ATP5F1C: variants seen among roughly 807,000 people sequenced by gnomAD.
The protein encoded by ATP5F1C is ATP synthase F(1) complex subunit gamma, mitochondrial.
A neutral mutation model predicts 37.4 loss-of-function variants in ATP5F1C; 22 were observed. That is an observed-to-expected ratio of 0.59 (90% CI 0.42 to 0.84). ATP5F1C has a LOEUF of 0.84. ATP5F1C is among the 40% of genes least tolerant of loss of function. ATP5F1C has a pLI of 0.00. For missense variants in ATP5F1C, 286 were observed against 362.4 expected, an observed-to-expected ratio of 0.79 and a Z score of 1.71; for synonymous variants, 121 against 128.0, an observed-to-expected ratio of 0.95 and a Z score of 0.37.
chr10:7,805,946 C>A (rs1836471507), intron 8 of ATP5F1C, among the ~76,000 whole-genome samples: 2 of 151,926 alleles, frequency 1.3e-5, no homozygotes, highest in Non-Finnish European at 2.9e-5. Flanking sequence ...ATTAGCCAGG[C>A]CTGGTGGCAT....
chr10:7,792,855 G>A (rs537301629), intron 1 of ATP5F1C, among the ~76,000 whole-genome samples: 1 of 152,258 alleles, frequency 6.6e-6, no homozygotes, highest in South Asian at 2.1e-4. Context: ...TTTCATCTCA[G>A]TTGGGTAAGT....
intron 1 of ATP5F1C, among the ~76,000 whole-genome samples, chr10:7,794,071 T>G (rs1836200791): frequency 6.6e-6 from 1 of 152,210 alleles, no homozygotes; most frequent in African/African-American, 2.4e-5. Flanking sequence ...TTGCTGAGAT[T>G]CTAATGGATT....
chr10:7,800,075 T>C lies in ATP5F1C; in HGVS notation c.621T>C (p.Asn207=). ...AAGAAAAGCCCATCTTTTCCCTTAA[T>C]ACCGTTGCAAGTGCTGGTAAGTAGT... is the stretch of plus-strand genomic sequence containing the variant. ...KTEEKPIFSL[N]TVASADSMSI... is the part of the protein sequence containing the mutation. Residue 207 remains asparagine, a synonymous_variant, in exon 6 of 10, where the codon AAT becomes AAC. Transcript: ENST00000356708. 2 of 1,614,072 alleles carry C rather than the reference T, an allele frequency of 1.2e-6. No individual in the cohort carries two copies. The highest frequency in any genetic ancestry group is 1.7e-6 in the Non-Finnish European group (2 of 1,180,028).
At chr10:7,794,725 T>A (rs759940703) in intron 1 of ATP5F1C, among the ~76,000 whole-genome samples, 11 of 152,222 alleles carry the variant, frequency 7.2e-5, no homozygotes, top group Non-Finnish European at 1.3e-4. Flanking sequence ...TGTATAATTA[T>A]TTTTAATACA....
In ATP5F1C at chr10:7,799,794, G is replaced by A. The variant is rs750215343; in HGVS notation, c.451G>A (p.Val151Met). The A allele has an allele frequency of 2.5e-6, 4 of 1,613,988 alleles. No individual in the cohort carries two copies. In the Admixed American group the frequency reaches 5.0e-5, roughly 20 times the overall value. ...TAGGACTCATTCTGACCAGTTTCTG[G>A]TGGCATTCAAAGAAGTGGGAAGAAA... ...LYRTHSDQFL[V>M]AFKEVGRKPP... The change falls in exon 5 of 10, where the codon GTG (valine) becomes ATG (methionine). Residue 151 changes from valine to methionine, a missense_variant. Transcript: ENST00000356708.
intron 7 of ATP5F1C, 74 bp from the exon 8 acceptor site, chr10:7,802,684 C>A: frequency 1.4e-6 from 2 of 1,461,686 alleles, no homozygotes; most frequent in South Asian, 2.5e-5. Flanking sequence ...TTAAATTAAG[C>A]AACAGAAGTT....
rs933294078 is a variant in ATP5F1C, at chr10:7,801,167, T to G, written c.637+1076T>G. 5.0e-5 allele frequency among the ~76,000 whole-genome samples: 7 copies of G among 139,034 alleles called. No homozygotes were observed. In the Middle Eastern group the frequency reaches 0.014, roughly 288 times the overall value. The allele number at this position is 139,034 out of a possible 152,430, so 91.2% of individuals were successfully genotyped here. The stretch of plus-strand genomic sequence containing the variant: ...TTAGTTTTCTAAGGCTTTTTTCCCT[T>G]GTATATACCATCTATTTTCTAATAC... On this transcript the variant is annotated intron_variant, in intron 6 of 9. Transcript: ENST00000356708.
intron 9 of ATP5F1C, 68 bp from the exon 10 acceptor site, chr10:7,807,591 A>T (rs1469562047): frequency 2.0e-6 from 3 of 1,515,690 alleles, no homozygotes; most frequent in South Asian, 2.4e-5. Context: ...ATGTATTATT[A>T]TCTCTTGACA....
intron 2 of ATP5F1C, 142 bp downstream of exon 2, chr10:7,796,297 C>A: frequency 1.5e-6 from 1 of 674,322 alleles, no homozygotes; most frequent in Non-Finnish European, 2.4e-6. Context: ...ATGTTTGGGA[C>A]ATTGGACTTG....
chr10:7,799,420 C>A (rs1836308260), intron 4 of ATP5F1C: 2 of 566,998 alleles, frequency 3.5e-6, no homozygotes, highest in South Asian at 4.3e-5. Flanking sequence ...GCTTCTTCAT[C>A]CGGATCATAA....
chr10:7,796,186 T>C, intron 2 of ATP5F1C, 31 bp downstream of exon 2: 1 of 1,554,834 alleles, frequency 6.4e-7, no homozygotes, highest in Non-Finnish European at 8.7e-7. Context: ...AATATGTGAA[T>C]TGAGAAAAAC....
chr10:7,807,646 C>T lies in ATP5F1C; in HGVS notation c.*31-13C>T. The stretch of plus-strand genomic sequence containing the variant: ...TGTTTGATTTCTTACTTGTTCTGTA[C>T]TTTGTTTTTCAGGTAAAGAAGGAAA... On this transcript the variant is annotated splice_polypyrimidine_tract_variant and intron_variant, in intron 9 of 9. Transcript: ENST00000356708. 1 of 1,606,522 alleles carries T rather than the reference C, an allele frequency of 6.2e-7. No individual in the cohort carries two copies. The highest frequency in any genetic ancestry group is 8.5e-7 in the Non-Finnish European group (1 of 1,176,132).
chr10:7,799,276 A>C, intron 4 of ATP5F1C, 82 bp downstream of exon 4: 1 of 1,320,546 alleles, frequency 7.6e-7, no homozygotes, highest in Non-Finnish European at 1.1e-6. Context: ...CAAACTCTCA[A>C]AACCTTCATC....
intron 1 of ATP5F1C, among the ~76,000 whole-genome samples, chr10:7,789,994 C>T (rs1183399875): frequency 6.6e-6 from 1 of 152,214 alleles, no homozygotes; most frequent in Non-Finnish European, 1.5e-5. Context: ...TTTTATAAAT[C>T]ATCAATCAAC....
In ATP5F1C at chr10:7,799,842, T is replaced by A; in HGVS notation, c.499T>A (p.Ser167Thr). 6.2e-7 allele frequency: 1 copy of A among 1,614,224 alleles called. No individual in the cohort carries two copies. The highest frequency in any genetic ancestry group is 8.5e-7 in the Non-Finnish European group (1 of 1,180,032). Residue 167 changes from serine to threonine, a missense_variant, in exon 5 of 10, where the codon TCA becomes ACA. Ser to Thr is a moderately conservative substitution (Grantham distance 58). Transcript: ENST00000356708. The stretch of plus-strand genomic sequence containing the variant: ...AAAGCCCCCCACTTTTGGAGATGCG[T>A]CAGTCATTGCCCTTGAATTACTAAA... ...GRKPPTFGDASVIALELLNSG... is the reference protein window; with the variant it reads ...GRKPPTFGDATVIALELLNSG...
At chr10:7,803,356 G>A (rs1230999744) in intron 8 of ATP5F1C, among the ~76,000 whole-genome samples, 1 of 152,044 alleles carries the variant, frequency 6.6e-6, no homozygotes, top group East Asian at 1.9e-4. Context: ...ACCTCCCCCA[G>A]GATACCAAAA....
At chr10:7,807,539 C>A in intron 9 of ATP5F1C, 120 bp from the exon 10 acceptor site, 3 of 1,221,304 alleles carry the variant, frequency 2.5e-6, no homozygotes, top group Non-Finnish European at 3.4e-6. Flanking sequence ...TATAGGGTAA[C>A]ACTTTATTGT....
At chr10:7,797,781 T>C (rs1481700451) in intron 3 of ATP5F1C, among the ~76,000 whole-genome samples, 1 of 152,190 alleles carries the variant, frequency 6.6e-6, no homozygotes, top group Non-Finnish European at 1.5e-5. Flanking sequence ...TTCAAGATAC[T>C]TAATCACCAT....
chr10:7,800,442 G>T (rs893869563), intron 6 of ATP5F1C, among the ~76,000 whole-genome samples: 1 of 151,240 alleles, frequency 6.6e-6, no homozygotes, highest in African/African-American at 2.4e-5. Context: ...TGATCCACCC[G>T]CCTCGGCCTC....
Sources: gnomAD v4.1 joint callset for allele counts (sites outside exome capture counted in the v4.1 genomes callset) on GRCh38, gnomAD v4.1.1 for gene constraint, MANE v1.5 for transcripts, NCBI Gene and HGNC (gene_info 2026-07-23, HGNC 2026-07-21) for gene names.